The following DDX4 variants were observed in gnomAD, a reference collection of about 807,000 sequenced individuals.
DDX4 encodes the protein probable ATP-dependent RNA helicase DDX4.
In DDX4, 25 loss-of-function variants were observed where a neutral mutation model predicts 100.0. That is an observed-to-expected ratio of 0.25 (90% CI 0.18 to 0.35). The LOEUF (loss-of-function observed/expected upper bound fraction) is 0.35, where lower values mean the gene tolerates loss of function less well. Among genes scored for constraint, DDX4 ranks in the 10% least tolerant of loss-of-function variants. The pLI, the probability that DDX4 is intolerant of heterozygous loss-of-function variation, is 1.00. For missense variants in DDX4, 635 were observed against 882.4 expected, an observed-to-expected ratio of 0.72 and a Z score of 3.55; for synonymous variants, 259 against 275.7, an observed-to-expected ratio of 0.94 and a Z score of 0.60.
intron 17 of DDX4, among the ~76,000 whole-genome samples, chr5:55,795,893 C>G (rs186378146): frequency 6.6e-6 from 1 of 152,128 alleles, no homozygotes; most frequent in African/African-American, 2.4e-5. Flanking sequence ...GGTGAAGTCC[C>G]ATGATAGGCT....
At chr5:55,746,466 T>C (rs1238037413) in intron 3 of DDX4, among the ~76,000 whole-genome samples, 2 of 152,180 alleles carry the variant, frequency 1.3e-5, no homozygotes. Context: ...AACTTGGAAG[T>C]TGCACATTCA....
chr5:55,775,886 C>T (rs775737105), intron 7 of DDX4, among the ~76,000 whole-genome samples: 2 of 152,034 alleles, frequency 1.3e-5, no homozygotes, highest in Non-Finnish European at 2.9e-5. Flanking sequence ...TTTGGGAGGC[C>T]GAAGTGGGTG....
intron 3 of DDX4, among the ~76,000 whole-genome samples, chr5:55,752,252 A>G (rs1383101461): frequency 6.6e-6 from 1 of 150,998 alleles, no homozygotes; most frequent in Non-Finnish European, 1.5e-5. Flanking sequence ...TTACATATGT[A>G]TACATGTGCC....
intron 3 of DDX4, among the ~76,000 whole-genome samples, chr5:55,757,815 G>A (rs1760030817): frequency 6.6e-6 from 1 of 152,140 alleles, no homozygotes; most frequent in Non-Finnish European, 1.5e-5. Context: ...AGGCTGAGGT[G>A]GGTGGATTAC....
chr5:55,783,586 ATTAG>A (rs1169433128), intron 10 of DDX4, among the ~76,000 whole-genome samples: 1 of 152,062 alleles, frequency 6.6e-6, no homozygotes, highest in East Asian at 1.9e-4. Flanking sequence ...GCTAGTGTAT[ATTAG>A]TTAGGGTTCT....
intron 2 of DDX4, among the ~76,000 whole-genome samples, chr5:55,743,424 T>TTC (rs1759090574): frequency 6.6e-6 from 1 of 152,142 alleles, no homozygotes; most frequent in Admixed American, 6.5e-5. Context: ...GTGACCCCTT[T>TTC]TCTCTCTCTT....
At chr5:55,808,882 G>A (rs1743928983) in intron 18 of DDX4, among the ~76,000 whole-genome samples, 1 of 152,198 alleles carries the variant, frequency 6.6e-6, no homozygotes, top group African/African-American at 2.4e-5. Flanking sequence ...GGATTCTGCT[G>A]CCTTTTGTTT....
intron 6 of DDX4, among the ~76,000 whole-genome samples, chr5:55,766,665 A>T (rs1740942493): frequency 6.6e-6 from 1 of 152,178 alleles, no homozygotes. Flanking sequence ...ATTGTAGAAC[A>T]TTATTAGTTG....
rs1313424026 is a variant in DDX4, at chr5:55,816,780, T to C, written c.*240T>C. On this transcript the variant is annotated 3_prime_UTR_variant, in exon 22 of 22. Coordinates refer to ENST00000505374, the MANE Select transcript of DDX4 (RefSeq NM_024415.3). ...AATATTAAAGCATTCTAAATGTCTT[T>C]CTTATTTCTGGTATATTCTTTAGGG... 3 of 564,360 alleles carry C rather than the reference T, an allele frequency of 5.3e-6. No individual in the cohort carries two copies. Among genetic ancestry groups the C allele is most frequent in the Admixed American group, 7.7e-5 (2 of 25,858 alleles). The allele number at this position is 564,360 out of a possible 1,614,324, so 35.0% of individuals were successfully genotyped here. A position where few individuals can be genotyped will look rare whatever the true frequency, so the allele number is the denominator to read the frequency against.
At chr5:55,798,780 A>G (rs1055217836) in intron 18 of DDX4, among the ~76,000 whole-genome samples, 1 of 152,206 alleles carries the variant, frequency 6.6e-6, no homozygotes, top group Non-Finnish European at 1.5e-5. Context: ...TTAAGTTTGA[A>G]AATAGGAAGG....
intron 7 of DDX4, 164 bp downstream of exon 7, chr5:55,768,104 G>A: frequency 1.6e-6 from 1 of 644,724 alleles, no homozygotes; most frequent in Non-Finnish European, 2.8e-6. Context: ...GTATTCAGTG[G>A]GTGCCCCTCC....
intron 21 of DDX4, among the ~76,000 whole-genome samples, chr5:55,815,990 T>C (rs1744399161): frequency 6.7e-6 from 1 of 150,306 alleles, no homozygotes; most frequent in African/African-American, 2.5e-5. Context: ...TTCACCATGT[T>C]GGCCAGGCTG....
At chr5:55,752,141 CTT>C (rs368884399) in intron 3 of DDX4, among the ~76,000 whole-genome samples, 295 of 152,064 alleles carry the variant, frequency 1.9e-3, no homozygotes, top group African/African-American at 6.9e-3. Context: ...AATTTACTGT[CTT>C]AACCATTTTT....
At chr5:55,806,574 T>C (rs545271842) in intron 18 of DDX4, among the ~76,000 whole-genome samples, 2 of 152,298 alleles carry the variant, frequency 1.3e-5, no homozygotes, top group African/African-American at 2.4e-5. Context: ...GCCTTCATTT[T>C]GTTATGTACC....
intron 17 of DDX4, among the ~76,000 whole-genome samples, chr5:55,798,058 G>A (rs1241849311): frequency 1.3e-5 from 2 of 152,108 alleles, no homozygotes; most frequent in Non-Finnish European, 2.9e-5. Flanking sequence ...TGTGTCTCAG[G>A]CTTACATTTC....
chr5:55,744,962 C>A (rs984699862), intron 2 of DDX4, among the ~76,000 whole-genome samples: 5 of 151,940 alleles, frequency 3.3e-5, no homozygotes, highest in Non-Finnish European at 2.9e-5. Context: ...CTCACCACAA[C>A]CTCTGCCTCC....
At chr5:55,801,539 G>A (rs1054548212) in intron 18 of DDX4, among the ~76,000 whole-genome samples, 8 of 152,154 alleles carry the variant, frequency 5.3e-5, no homozygotes, top group South Asian at 4.1e-4. Context: ...GTGCTAGACA[G>A]TAATCTTTTT....
At chr5:55,811,153 A>G (rs564279860) in intron 18 of DDX4, among the ~76,000 whole-genome samples, 3 of 152,246 alleles carry the variant, frequency 2.0e-5, no homozygotes, top group African/African-American at 7.2e-5. Context: ...CATAAGCGAA[A>G]GCATTAAACA....
chr5:55,799,148 G>A (rs1040609990), intron 18 of DDX4, among the ~76,000 whole-genome samples: 1 of 152,054 alleles, frequency 6.6e-6, no homozygotes, highest in African/African-American at 2.4e-5. Context: ...GCTTATGGCA[G>A]CCTCAAACTC....
Sources: allele counts gnomAD v4.1 joint callset (sites outside exome capture counted in the v4.1 genomes callset), GRCh38; gene constraint gnomAD v4.1.1; transcripts MANE v1.5; gene names NCBI Gene and HGNC (gene_info 2026-07-23, HGNC 2026-07-21).